The following RBFOX1 variants were observed in gnomAD, a reference collection of about 807,000 sequenced individuals.
The protein encoded by RBFOX1 is RNA binding fox-1 homolog 1.
RBFOX1 carries 8 observed loss-of-function variants against 57.7 expected under a neutral mutation model. The ratio of observed to expected loss-of-function variants is 0.14; its 90% CI spans 0.08 to 0.25. RBFOX1 has a LOEUF of 0.25. RBFOX1 is among the 10% of genes least tolerant of loss of function. RBFOX1 has a pLI of 1.00. For synonymous variants in RBFOX1, 326 were observed against 222.4 expected (o/e 1.47, Z -4.15); for missense variants, 611 against 548.5 (o/e 1.11, Z -1.14).
intron 2 of RBFOX1, among the ~76,000 whole-genome samples, chr16:6,599,875 G>T (rs1348622782): frequency 6.6e-6 from 1 of 152,192 alleles, no homozygotes; most frequent in Admixed American, 6.5e-5. Context: ...TAGGCAACTA[G>T]AACAGCACCC....
At chr16:6,956,756 C>G (rs1356828243) in intron 3 of RBFOX1, among the ~76,000 whole-genome samples, 2 of 152,204 alleles carry the variant, frequency 1.3e-5, no homozygotes, top group African/African-American at 4.8e-5. Flanking sequence ...TGTGGTTTGA[C>G]CAGGCACAGA....
At chr16:6,122,842 C>G (rs1183548676) in intron 1 of RBFOX1, among the ~76,000 whole-genome samples, 1 of 141,404 alleles carries the variant, frequency 7.1e-6, no homozygotes, top group African/African-American at 2.8e-5. Flanking sequence ...ATAAAATATA[C>G]TCTCTGATTA....
intron 5 of RBFOX1, among the ~76,000 whole-genome samples, chr16:7,529,007 C>T (rs1005393603): frequency 4.6e-5 from 7 of 152,166 alleles, no homozygotes; most frequent in South Asian, 2.1e-4. Context: ...ATCTGTAATC[C>T]CAGCACTTTG....
intron 3 of RBFOX1, among the ~76,000 whole-genome samples, chr16:6,819,250 T>A (rs112396601): frequency 2.5e-3 from 385 of 152,312 alleles, no homozygotes; most frequent in African/African-American, 7.2e-3. Context: ...CCTGCATCAT[T>A]TAACTTTGTG....
intron 1 of RBFOX1, among the ~76,000 whole-genome samples, chr16:5,455,020 T>TTTCTTTCTTTCTTTCTTTCTTTCTTTCC (rs1555524318): frequency 3.4e-5 from 4 of 115,972 alleles, no homozygotes; most frequent in African/African-American, 1.3e-4. Flanking sequence ...TCTTTCTTTC[T>TTTCTTTCTTTCTTTCTTTCTTTCTTTCC]TTCTCTCTCT....
At chr16:5,843,468 G>T (rs955741492) in intron 3 of RBFOX1, among the ~76,000 whole-genome samples, 1 of 152,096 alleles carries the variant, frequency 6.6e-6, no homozygotes, top group South Asian at 2.1e-4. Flanking sequence ...ACATGATCTC[G>T]TTCTTTCTTA....
intron 4 of RBFOX1, among the ~76,000 whole-genome samples, chr16:7,192,190 G>T (rs1320828467): frequency 6.6e-6 from 1 of 152,242 alleles, no homozygotes; most frequent in Non-Finnish European, 1.5e-5. Flanking sequence ...TCTGATGCCA[G>T]ATTTCTCAGA....
chr16:6,782,651 G>A (rs2081228055), intron 3 of RBFOX1, among the ~76,000 whole-genome samples: 1 of 152,104 alleles, frequency 6.6e-6, no homozygotes, highest in Non-Finnish European at 1.5e-5. Flanking sequence ...CCTAACATAT[G>A]GTCTACCCTG....
intron 2 of RBFOX1, among the ~76,000 whole-genome samples, chr16:6,379,898 G>A (rs1054435388): frequency 6.6e-6 from 1 of 152,128 alleles, no homozygotes; most frequent in African/African-American, 2.4e-5. Flanking sequence ...TTGAGCATGC[G>A]TCAGTCCTGG....
chr16:7,451,303 T>A (rs552773207), intron 4 of RBFOX1, among the ~76,000 whole-genome samples: 64 of 152,250 alleles, frequency 4.2e-4, no homozygotes, highest in African/African-American at 1.5e-3. Context: ...AGGGATGTCT[T>A]GAACGGATGG....
intron 3 of RBFOX1, among the ~76,000 whole-genome samples, chr16:6,902,311 T>A (rs2068689499): frequency 6.6e-6 from 1 of 152,198 alleles, no homozygotes; most frequent in Admixed American, 6.5e-5. Context: ...AAAGCTACTC[T>A]TACTTGATAT....
chr16:5,590,046 TACACACAC>T (rs148421648), intron 2 of RBFOX1, among the ~76,000 whole-genome samples: 2 of 142,884 alleles, frequency 1.4e-5, no homozygotes, highest in African/African-American at 2.7e-5. Flanking sequence ...GTCTGCGTGT[TACACACAC>T]ACACACACAC....
chr16:6,775,152 C>A (rs1213653251), intron 3 of RBFOX1, among the ~76,000 whole-genome samples: 4 of 146,152 alleles, frequency 2.7e-5, no homozygotes, highest in African/African-American at 7.8e-5. Flanking sequence ...GGTGAAACCC[C>A]GTCTCTACTA....
intron 2 of RBFOX1, among the ~76,000 whole-genome samples, chr16:6,555,560 C>T (rs1437408004): frequency 5.3e-5 from 8 of 151,900 alleles, no homozygotes; most frequent in South Asian, 2.1e-4. Flanking sequence ...ATTAGCCGGG[C>T]GTGGTGGCGG....
intron 3 of RBFOX1, among the ~76,000 whole-genome samples, chr16:6,812,875 G>T (rs922522746): frequency 6.6e-6 from 1 of 152,170 alleles, no homozygotes; most frequent in Non-Finnish European, 1.5e-5. Flanking sequence ...AAGCCCCTGA[G>T]TCCTTTGTCC....
chr16:6,343,832 G>C (rs943386223), intron 2 of RBFOX1, among the ~76,000 whole-genome samples: 1 of 152,084 alleles, frequency 6.6e-6, no homozygotes, highest in Non-Finnish European at 1.5e-5. Context: ...TTTGGATTAA[G>C]GATTACTATG....
At chr16:6,914,988 A>G (rs1186296102) in intron 3 of RBFOX1, among the ~76,000 whole-genome samples, 1 of 152,224 alleles carries the variant, frequency 6.6e-6, no homozygotes, top group Non-Finnish European at 1.5e-5. Flanking sequence ...TTACAGCACT[A>G]TTGCCAGGCA....
At chr16:7,540,614 T>A (rs1166053640) in intron 5 of RBFOX1, among the ~76,000 whole-genome samples, 1 of 152,224 alleles carries the variant, frequency 6.6e-6, no homozygotes, top group Non-Finnish European at 1.5e-5. Flanking sequence ...ATGGTTGTTG[T>A]CATGGACATA....
At chr16:6,674,473 C>G (rs1368221651) in intron 3 of RBFOX1, among the ~76,000 whole-genome samples, 1 of 152,088 alleles carries the variant, frequency 6.6e-6, no homozygotes, top group Non-Finnish European at 1.5e-5. Flanking sequence ...AGGCACCTGT[C>G]ACCATGCCCG....
Sources: allele counts gnomAD v4.1 joint callset (sites outside exome capture counted in the v4.1 genomes callset), GRCh38; gene constraint gnomAD v4.1.1; transcripts MANE v1.5; gene names NCBI Gene and HGNC (gene_info 2026-07-23, HGNC 2026-07-21).